The following GBF1 variants were observed in gnomAD, a reference collection of about 807,000 sequenced individuals.
GBF1 encodes golgi brefeldin A resistant guanine nucleotide exchange factor 1, also known as Golgi-specific brefeldin A-resistance guanine nucleotide exchange factor 1.
GBF1 carries 114 observed loss-of-function variants against 210.5 expected under a neutral mutation model. The ratio of observed to expected loss-of-function variants is 0.54; its 90% CI spans 0.47 to 0.63. The LOEUF (loss-of-function observed/expected upper bound fraction) is 0.63. Among genes scored for constraint, GBF1 ranks in the 30% least tolerant of loss-of-function variants. The pLI, the probability that GBF1 is intolerant of heterozygous loss-of-function variation, is 0.00. For missense variants in GBF1, 1,851 were observed against 2,357.7 expected (o/e 0.79, Z 4.45); for synonymous variants, 850 against 889.2 (o/e 0.96, Z 0.78).
At chr10:102,313,276 C>T (rs965776227) in intron 3 of GBF1, among the ~76,000 whole-genome samples, 13 of 152,094 alleles carry the variant, frequency 8.5e-5, no homozygotes, top group African/African-American at 1.9e-4. Flanking sequence ...ACACATGAGT[C>T]GGTACTGCAG....
At chr10:102,231,134 G>A in the GBF1 span, 11 of 1,487,726 alleles carry the variant, frequency 7.4e-6, no homozygotes, top group African/African-American at 2.9e-5. Flanking sequence ...GTCAGGGCCC[G>A]GGGCCGGGTC....
At position 102,352,452 on chromosome 10, in the gene GBF1, G is replaced by T. The variant is rs370884408; in HGVS notation, c.524-6G>T. On this transcript the variant is annotated splice_region_variant and splice_polypyrimidine_tract_variant and intron_variant, in intron 6 of 39. Transcript: ENST00000369983. ...ACACCTGTGTTATTTGTTTTTGCCT[G>T]TGCAGAGTTATTGAGAAAATCCGCA... 2 of 1,600,752 alleles carry T rather than the reference G, an allele frequency of 1.2e-6. No homozygotes were observed. Among genetic ancestry groups the T allele is most frequent in the South Asian group, 1.1e-5 (1 of 90,798 alleles).
upstream of GBF1, chr10:102,245,397 C>T (rs2070714378): frequency 6.6e-6 from 1 of 152,242 alleles, no homozygotes; most frequent in Admixed American, 6.5e-5. Context: ...CTTCTTTAGG[C>T]ACTACCCGCC....
At chr10:102,284,438 C>G (rs932073398) in intron 3 of GBF1, among the ~76,000 whole-genome samples, 1 of 152,126 alleles carries the variant, frequency 6.6e-6, no homozygotes, top group Non-Finnish European at 1.5e-5. Flanking sequence ...CCCTCCAGCC[C>G]CTGGTAGCCA....
At chr10:102,298,626 C>A (rs892054828) in intron 3 of GBF1, among the ~76,000 whole-genome samples, 1 of 152,192 alleles carries the variant, frequency 6.6e-6, no homozygotes, top group Non-Finnish European at 1.5e-5. Flanking sequence ...TAATAATACT[C>A]TGTATCAGGA....
intron 3 of GBF1, among the ~76,000 whole-genome samples, chr10:102,264,033 A>G (rs915610046): frequency 7.9e-5 from 12 of 152,314 alleles, no homozygotes; most frequent in African/African-American, 2.9e-4. Context: ...TAATGGCTAC[A>G]GGGTTCCTTT....
At chr10:102,316,623 T>C (rs938190946) in intron 3 of GBF1, among the ~76,000 whole-genome samples, 2 of 152,190 alleles carry the variant, frequency 1.3e-5, no homozygotes, top group African/African-American at 4.8e-5. Flanking sequence ...TTGGCATGCC[T>C]GACAATCAGA....
chr10:102,364,217 C>CTTTTTTTTTTTTT (rs1031275118), intron 17 of GBF1, among the ~76,000 whole-genome samples: 3 of 66,940 alleles, frequency 4.5e-5, no homozygotes, highest in Non-Finnish European at 5.6e-5. Context: ...CTTTGGATTT[C>CTTTTTTTTTTTTT]TTTTTTTTTT....
At chr10:102,272,373 G>A (rs1180609270) in intron 3 of GBF1, among the ~76,000 whole-genome samples, 1 of 152,210 alleles carries the variant, frequency 6.6e-6, no homozygotes, top group Non-Finnish European at 1.5e-5. Flanking sequence ...CCAAAATGCT[G>A]AGATTACAGG....
intron 1 of GBF1, among the ~76,000 whole-genome samples, chr10:102,247,480 G>A (rs2070987695): frequency 6.6e-6 from 1 of 152,124 alleles, no homozygotes; most frequent in African/African-American, 2.4e-5. Flanking sequence ...CAGGTTTGAT[G>A]ATCCTGCCTT....
chr10:102,300,034 G>A (rs939897460), intron 3 of GBF1, among the ~76,000 whole-genome samples: 1 of 152,188 alleles, frequency 6.6e-6, no homozygotes, highest in African/African-American at 2.4e-5. Flanking sequence ...GAGTCAGGTG[G>A]AGTATGTTTT....
chr10:102,362,473 A>G lies in GBF1; in HGVS notation c.1687-2A>G. On this transcript the variant is annotated splice_acceptor_variant, in intron 14 of 39. Coordinates refer to ENST00000369983, the MANE Select transcript of GBF1 (RefSeq NM_001377137.1). LOFTEE classifies it high-confidence loss of function. ...AGTCCAATTGATCTGTTTACTTTCC[A>G]GAATGCCTTCCCTGTGTCTGGTCAA... 6 of 1,600,952 alleles carry G rather than the reference A, an allele frequency of 3.7e-6. No homozygotes were observed. Among genetic ancestry groups the G allele is most frequent in the Non-Finnish European group, 5.1e-6 (6 of 1,169,030 alleles).
chr10:102,327,093 G>A (rs761030505), intron 3 of GBF1, among the ~76,000 whole-genome samples: 3 of 152,198 alleles, frequency 2.0e-5, no homozygotes, highest in Admixed American at 2.0e-4. Flanking sequence ...GCATCCATTA[G>A]ATGAGCCGAA....
chr10:102,380,162 G>A, intron 36 of GBF1, 87 bp from the exon 37 acceptor site: 1 of 872,292 alleles, frequency 1.1e-6, no homozygotes, highest in Non-Finnish European at 2.0e-6. Context: ...TCTCATGCAA[G>A]ATAGGACAGG....
Position 102,361,921 on chromosome 10 carries a change from C to A in GBF1, c.1686+9C>A. On this transcript the variant is annotated intron_variant, in intron 14 of 39. Coordinates refer to ENST00000369983, the MANE Select transcript of GBF1 (RefSeq NM_001377137.1). ...CAAAGCTGCTGTCCAAGGTGCTGAG[C>A]ACTATAACTGGCTTCTAGGAAAAAA... is the stretch of plus-strand genomic sequence containing the variant. 1 of 1,557,860 alleles carries A rather than the reference C, an allele frequency of 6.4e-7. No homozygotes were observed. Among genetic ancestry groups the A allele is most frequent in the Non-Finnish European group, 8.7e-7 (1 of 1,148,024 alleles).
Position 102,363,427 on chromosome 10 carries a change from C to A in GBF1, c.2017+31C>A, listed in dbSNP as rs1291676012. ...TACTGGGTGTCCATGACCCTAAGCT[C>A]CTCACCTGGAGGGCCTGGTGAAGAG... is the stretch of plus-strand genomic sequence containing the variant. On this transcript the variant is annotated intron_variant, in intron 16 of 39. Coordinates refer to ENST00000369983, the MANE Select transcript of GBF1 (RefSeq NM_001377137.1). This position sits in a 1 kb window ranked among gnomAD's most constrained non-coding sequence, Gnocchi z 4.2. The A allele has an allele frequency of 6.3e-7, 1 of 1,595,064 alleles. No homozygotes were observed. The highest frequency in any genetic ancestry group is 1.3e-5 in the African/African-American group (1 of 74,404).
At chr10:102,283,001 C>T (rs2075633996) in intron 3 of GBF1, among the ~76,000 whole-genome samples, 1 of 152,054 alleles carries the variant, frequency 6.6e-6, no homozygotes, top group Admixed American at 6.6e-5. Context: ...ACTAATGATC[C>T]TAGATACTAT....
chr10:102,380,658 T>A lies in GBF1; in HGVS notation c.5145T>A (p.Asp1715Glu). The A allele has an allele frequency of 6.2e-7, 1 of 1,613,120 alleles. No homozygotes were observed. The highest frequency in any genetic ancestry group is 8.5e-7 in the Non-Finnish European group (1 of 1,179,580). ...RIDCFLPHLR[D>E]ELFKQTVIQD... ...ACTGTTTTCTCCCTCACCTACGAGATGAACTCTTCAAGCAGACCGTCATCC... is the reference window on the plus strand; with the variant it reads ...ACTGTTTTCTCCCTCACCTACGAGAAGAACTCTTCAAGCAGACCGTCATCC... Residue 1715 changes from aspartate (D) to glutamate (E), a missense_variant, in exon 38 of 40, where the codon GAT (aspartate) becomes GAA (glutamate). Physicochemically the swap from Asp to Glu is conservative, Grantham distance 45 (BLOSUM62 2). Around this residue, in one of 3 missense-constraint regions of GBF1, gnomAD observed 967 missense variants for 1,247.7 expected, o/e 0.78. Coordinates refer to ENST00000369983, the MANE Select transcript of GBF1 (RefSeq NM_001377137.1).
chr10:102,376,905 G>C (rs765328173), intron 32 of GBF1, 30 bp from the exon 33 acceptor site: 1 of 1,612,810 alleles, frequency 6.2e-7, no homozygotes, highest in Admixed American at 1.7e-5. Context: ...TATAGACACA[G>C]AAATGTGACC....
Sources: allele counts gnomAD v4.1 joint callset (sites outside exome capture counted in the v4.1 genomes callset), GRCh38; gene constraint gnomAD v4.1.1; regional missense constraint gnomAD v4.1.1; non-coding constraint Gnocchi (gnomAD v3.1); transcripts MANE v1.5; gene names NCBI Gene and HGNC (gene_info 2026-07-23, HGNC 2026-07-21).